The following ITPR3 variants were observed in gnomAD, a reference collection of about 807,000 sequenced individuals.
The protein encoded by ITPR3 is inositol 1,4,5-trisphosphate receptor type 3, also known as inositol 1,4,5-trisphosphate-gated calcium channel ITPR3.
A neutral mutation model predicts 293.2 loss-of-function variants in ITPR3; 173 were observed. The ratio of observed to expected loss-of-function variants is 0.59; its 90% CI spans 0.52 to 0.67. The LOEUF (loss-of-function observed/expected upper bound fraction) is 0.67. ITPR3 is among the 30% of genes least tolerant of loss of function. The pLI is 0.00. For missense variants in ITPR3, 2,796 were observed against 3,592.1 expected (o/e 0.78, Z 5.66); for synonymous variants, 1,295 against 1,444.4 (o/e 0.90, Z 2.35).
In ITPR3 at chr6:33,655,257, A is replaced by T. The variant is rs1321737151; in HGVS notation, c.161-509A>T. ...ACCCCTCGGGGAGCTCAGGATTGTG[A>T]GCTGTTCCTCGGACTGTCCCCTCCA... is the stretch of plus-strand genomic sequence containing the variant. On this transcript the variant is annotated intron_variant, in intron 2 of 57. Coordinates refer to ENST00000605930, the MANE Select transcript of ITPR3 (RefSeq NM_002224.4). This position sits in a 1 kb window ranked among gnomAD's most constrained non-coding sequence, Gnocchi z 4.9. Among the ~76,000 whole-genome samples, 2 of 152,128 alleles carry T rather than the reference A, an allele frequency of 1.3e-5. No homozygotes were observed. Among genetic ancestry groups the T allele is most frequent in the Non-Finnish European group, 2.9e-5 (2 of 68,022 alleles).
intron 7 of ITPR3, among the ~76,000 whole-genome samples, 182 bp from the exon 8 acceptor site, chr6:33,662,346 G>T (rs1764494061): frequency 6.6e-6 from 1 of 151,974 alleles, no homozygotes; most frequent in South Asian, 2.1e-4. Context: ...TGAGGGCAGA[G>T]TGCCTGGGCT....
At position 33,695,658 on chromosome 6, in the gene ITPR3, G is replaced by A. The variant is rs558101350; in HGVS notation, c.7948-54G>A. ...GCCAAGCTCTTCCACAGCACCCATG[G>A]AGGGAAGGTGCCAGGCGGCCTGACC... On this transcript the variant is annotated intron_variant, in intron 57 of 57. Transcript: ENST00000605930. 4.5e-6 allele frequency: 7 copies of A among 1,555,306 alleles called. No individual in the cohort carries two copies. The South Asian group carries it at 7.8e-5, about 17-fold the overall frequency.
rs763651496 is a variant in ITPR3 at position 33,686,537 on chromosome 6, G to A, written c.5979+18G>A. 4 of 1,573,086 alleles carry A rather than the reference G, an allele frequency of 2.5e-6. No homozygotes were observed. The highest frequency in any genetic ancestry group is 1.8e-6 in the Non-Finnish European group (2 of 1,142,486). On this transcript the variant is annotated intron_variant, in intron 43 of 57. Coordinates refer to ENST00000605930, the MANE Select transcript of ITPR3 (RefSeq NM_002224.4). ...AGCTCAAGGTGGGGCCCAGTGGCAG[G>A]TGTGTGAGTGCTGGGTGTGCATGTG...
rs1241537072 is a variant in ITPR3 at position 33,633,664 on chromosome 6, C to A, written c.90-6820C>A. 6.6e-6 allele frequency among the ~76,000 whole-genome samples: 1 copy of A among 150,384 alleles called. No homozygotes were observed. The highest frequency in any genetic ancestry group is 1.9e-4 in the East Asian group (1 of 5,178). On this transcript the variant is annotated intron_variant, in intron 1 of 57. Transcript: ENST00000605930. The surrounding 1 kb of genome is among the most constrained non-coding windows in gnomAD (Gnocchi z 5.2). ...GCCGGCAGTCGGAGGCAGGCCGGGG[C>A]GAGGCCGCGCTGGCCCTCCCTTGGC...
At position 33,672,025 on chromosome 6, in the gene ITPR3, A is replaced by G. The variant is rs1450141781; in HGVS notation, c.2729-4A>G. ...GGCAACCTCCTCTGCTTCCCCCTCCACAGGCAAGAATGTGCGGCGGTCCAT... is the reference window on the plus strand; with the variant it reads ...GGCAACCTCCTCTGCTTCCCCCTCCGCAGGCAAGAATGTGCGGCGGTCCAT... On this transcript the variant is annotated splice_polypyrimidine_tract_variant and splice_region_variant and intron_variant, in intron 21 of 57. Coordinates refer to ENST00000605930, the MANE Select transcript of ITPR3 (RefSeq NM_002224.4). The surrounding 1 kb of genome is among the most constrained non-coding windows in gnomAD (Gnocchi z 5.0). The G allele has an allele frequency of 6.3e-7, 1 of 1,594,150 alleles. No individual in the cohort carries two copies. The highest frequency in any genetic ancestry group is 8.6e-7 in the Non-Finnish European group (1 of 1,168,400).
Position 33,691,626 on chromosome 6 carries a change from G to C in ITPR3, c.7237G>C (p.Gly2413Arg). 1.2e-6 allele frequency: 2 copies of C among 1,613,970 alleles called. No individual in the cohort carries two copies. Among genetic ancestry groups the C allele is most frequent in the East Asian group, 2.2e-5 (1 of 44,866 alleles). Residue 2413 changes from glycine to arginine, a missense_variant, in exon 53 of 58, where the codon GGG becomes CGG. Coordinates refer to ENST00000605930, the MANE Select transcript of ITPR3 (RefSeq NM_002224.4). This position sits in a 1 kb window ranked among gnomAD's most constrained non-coding sequence, Gnocchi z 4.9. ...PNNHSTASPL[G>R]MPHGAAAFVD... Reference sequence around the variant, plus strand: ...CATATCCCCTCCAGCCAGCCCCCTGGGGATGCCACATGGAGCTGCTGCATT... The same window carrying C: ...CATATCCCCTCCAGCCAGCCCCCTGCGGATGCCACATGGAGCTGCTGCATT...
chr6:33,667,371 G>A lies in ITPR3; in HGVS notation c.1713+81G>A, dbSNP rs935492543. 6.6e-7 allele frequency: 1 copy of A among 1,504,458 alleles called. No individual in the cohort carries two copies. The highest frequency in any genetic ancestry group is 1.4e-5 in the African/African-American group (1 of 72,364). 93.2% of individuals were successfully genotyped at this position (1,504,458 alleles called of 1,614,324 possible). ...CGATTTCCTCAGGCACATGTGCTGTGCCAGGCACTGTTTTGGGGCCTAGGG... is the reference window on the plus strand; with the variant it reads ...CGATTTCCTCAGGCACATGTGCTGTACCAGGCACTGTTTTGGGGCCTAGGG... On this transcript the variant is annotated intron_variant, in intron 15 of 57. Coordinates refer to ENST00000605930, the MANE Select transcript of ITPR3 (RefSeq NM_002224.4). The surrounding 1 kb of genome is among the most constrained non-coding windows in gnomAD (Gnocchi z 4.4).
Position 33,672,038 on chromosome 6 carries a change from T to C in ITPR3, c.2738T>C (p.Val913Ala). The C allele has an allele frequency of 3.1e-6, 5 of 1,602,872 alleles. No individual in the cohort carries two copies. Among genetic ancestry groups the C allele is most frequent in the Non-Finnish European group, 4.3e-6 (5 of 1,173,204 alleles). Residue 913 changes from valine (V) to alanine (A), a missense_variant, in exon 22 of 58, where the codon GTG (valine) becomes GCG (alanine). Coordinates refer to ENST00000605930, the MANE Select transcript of ITPR3 (RefSeq NM_002224.4). The surrounding 1 kb of genome is among the most constrained non-coding windows in gnomAD (Gnocchi z 5.0). Reference protein sequence around the residue: ...QAYEDPGGKNVRRSIQGVGHM... With the variant: ...QAYEDPGGKNARRSIQGVGHM... The stretch of plus-strand genomic sequence containing the variant: ...GCTTCCCCCTCCACAGGCAAGAATG[T>C]GCGGCGGTCCATCCAGGGCGTGGGG...
intron 28 of ITPR3, 143 bp from the exon 29 acceptor site, chr6:33,678,277 TG>T (rs899801995): frequency 2.7e-5 from 30 of 1,102,978 alleles, no homozygotes; most frequent in East Asian, 7.1e-5. Flanking sequence ...CATCCTGACC[TG>T]GGGGCCCCAC....
rs376346919 is a variant in ITPR3 at position 33,675,884 on chromosome 6, G to T, written c.3282+28G>T. 1 of 1,539,008 alleles carries T rather than the reference G, an allele frequency of 6.5e-7. No homozygotes were observed. Among genetic ancestry groups the T allele is most frequent in the Non-Finnish European group, 8.8e-7 (1 of 1,140,224 alleles). On this transcript the variant is annotated intron_variant, in intron 25 of 57. Coordinates refer to ENST00000605930, the MANE Select transcript of ITPR3 (RefSeq NM_002224.4). This position sits in a 1 kb window ranked among gnomAD's most constrained non-coding sequence, Gnocchi z 5.0. ...GACGGGACTACCTGGCCCTGGCCCT[G>T]AGCATGAGGCCTGCACCAGGCACGG...
At chr6:33,693,430 C>G (rs779635691) in intron 55 of ITPR3, 115 bp from the exon 56 acceptor site, 29 of 1,032,922 alleles carry the variant, frequency 2.8e-5, no homozygotes, top group Non-Finnish European at 4.2e-5. Flanking sequence ...CTGTTGGAAG[C>G]GCTCATCCCG....
chr6:33,661,853 G>A (rs946126214), intron 7 of ITPR3, among the ~76,000 whole-genome samples: 3 of 119,132 alleles, frequency 2.5e-5, no homozygotes, highest in Non-Finnish European at 6.0e-5. Context: ...TAAATTAGCC[G>A]GGCGTGGTGG....
chr6:33,668,384 C>T, intron 16 of ITPR3, 131 bp from the exon 17 acceptor site: 1 of 1,255,030 alleles, frequency 8.0e-7, no homozygotes, highest in East Asian at 2.5e-5. Context: ...TCCCACCCAT[C>T]TCTAAGCCTT....
At chr6:33,662,376 C>A in intron 7 of ITPR3, 152 bp from the exon 8 acceptor site, 1 of 885,788 alleles carries the variant, frequency 1.1e-6, no homozygotes, top group Non-Finnish European at 1.7e-6. Flanking sequence ...CTCTAGGGGG[C>A]TCAGCTTGCA....
chr6:33,688,519 G>A (rs1765301151), intron 48 of ITPR3, 88 bp downstream of exon 48: 1 of 1,501,306 alleles, frequency 6.7e-7, no homozygotes, highest in Non-Finnish European at 8.9e-7. Context: ...GCCTGTGGGT[G>A]CCCTGCGCCC....
intron 50 of ITPR3, 70 bp from the exon 51 acceptor site, chr6:33,689,964 T>A (rs1202699198): frequency 6.3e-6 from 10 of 1,577,724 alleles, no homozygotes; most frequent in Non-Finnish European, 7.8e-6. Flanking sequence ...AGCTGGGCAC[T>A]GGGGGACATG....
rs1251310743 is a variant in ITPR3, at chr6:33,666,020, G to A, written c.1551+44G>A. 28 of 1,546,710 alleles carry A rather than the reference G, an allele frequency of 1.8e-5. No homozygotes were observed. Among genetic ancestry groups the A allele is most frequent in the South Asian group, 9.4e-5 (8 of 84,726 alleles). On this transcript the variant is annotated intron_variant, in intron 14 of 57. Transcript: ENST00000605930. The surrounding 1 kb of genome is among the most constrained non-coding windows in gnomAD (Gnocchi z 5.1). The stretch of plus-strand genomic sequence containing the variant: ...GGGGACGCAGAGGGGCCGGGTGCCC[G>A]GGAGAGGGATGCCTTCAACTGCAGG...
chr6:33,683,373 C>T lies in ITPR3; in HGVS notation c.4764C>T (p.Tyr1588=), dbSNP rs371444046. The change falls in exon 35 of 58, where the codon TAC becomes TAT. Residue 1588 remains tyrosine (Y), a synonymous_variant. Transcript: ENST00000605930. The surrounding 1 kb of genome is among the most constrained non-coding windows in gnomAD (Gnocchi z 4.5). ...RVTPTANQWD[Y]KNIIEKLQDI... is the part of the protein sequence containing the mutation. ...CCCCCACCGCCAACCAGTGGGACTA[C>T]AAGAACATCATTGAGAAGCTGCAGG... The T allele has an allele frequency of 7.6e-6, 12 of 1,586,388 alleles. No homozygotes were observed. Among genetic ancestry groups the T allele is most frequent in the Middle Eastern group, 1.7e-4 (1 of 6,012 alleles).
intron 2 of ITPR3, among the ~76,000 whole-genome samples, chr6:33,651,822 G>A (rs1204834093): frequency 6.6e-6 from 1 of 152,146 alleles, no homozygotes. Context: ...CAGCCCTGTC[G>A]GACCTGGAGC....
Sources: gnomAD v4.1 joint callset for allele counts (sites outside exome capture counted in the v4.1 genomes callset) on GRCh38, gnomAD v4.1.1 for gene constraint, Gnocchi (gnomAD v3.1) non-coding constraint, MANE v1.5 for transcripts, NCBI Gene and HGNC (gene_info 2026-07-23, HGNC 2026-07-21) for gene names.